The following SLC9A9 variants were observed in gnomAD, a reference collection of about 807,000 sequenced individuals.
SLC9A9 encodes sodium/hydrogen exchanger 9.
Under a neutral mutation model 77.8 loss-of-function variants are expected in SLC9A9, and 62 were observed. That is an observed-to-expected ratio of 0.80 (90% CI 0.65 to 0.98). The LOEUF (loss-of-function observed/expected upper bound fraction) is 0.98, where lower values mean the gene tolerates loss of function less well. Ranked by LOEUF, SLC9A9 falls within the 50% of genes least tolerant of loss-of-function variation. The probability of loss-of-function intolerance (pLI) is 0.00; values close to 1 mark genes in which losing one functional copy is unlikely to be tolerated. For synonymous variants in SLC9A9, 320 were observed against 283.5 expected (o/e 1.13, Z -1.29); for missense variants, 775 against 774.9 (o/e 1.00, Z 0.00).
At chr3:143,585,463 T>A (rs1409140937) in intron 6 of SLC9A9, among the ~76,000 whole-genome samples, 1 of 152,152 alleles carries the variant, frequency 6.6e-6, no homozygotes, top group African/African-American at 2.4e-5. Context: ...CTCTCCCTCT[T>A]TACAGGACTG....
chr3:143,690,559 G>T (rs1933431483), intron 5 of SLC9A9, among the ~76,000 whole-genome samples: 1 of 152,068 alleles, frequency 6.6e-6, no homozygotes, highest in Non-Finnish European at 1.5e-5. Context: ...ATCAAAAACT[G>T]TTGTCATTAC....
intron 14 of SLC9A9, among the ~76,000 whole-genome samples, chr3:143,305,224 C>T (rs142587278): frequency 1.6e-3 from 245 of 152,248 alleles, no homozygotes; most frequent in Non-Finnish European, 2.9e-3. Context: ...AGCATTTCTT[C>T]GTTATGTTCT....
At chr3:143,316,330 T>C (rs750609871) in intron 14 of SLC9A9, among the ~76,000 whole-genome samples, 21 of 152,222 alleles carry the variant, frequency 1.4e-4, no homozygotes, top group Non-Finnish European at 4.4e-5. Context: ...GCATAATCTC[T>C]GCCCTCAAAC....
At chr3:143,608,585 T>C (rs2037965169) in intron 6 of SLC9A9, among the ~76,000 whole-genome samples, 1 of 152,342 alleles carries the variant, frequency 6.6e-6, no homozygotes, top group South Asian at 2.1e-4. Flanking sequence ...CTTAGTTCTT[T>C]AATATCCTGT....
intron 6 of SLC9A9, among the ~76,000 whole-genome samples, chr3:143,599,012 C>A (rs2037803949): frequency 1.3e-5 from 2 of 152,204 alleles, no homozygotes; most frequent in Admixed American, 6.5e-5. Context: ...CACAGGTCGC[C>A]TCAATCCCTC....
intron 8 of SLC9A9, among the ~76,000 whole-genome samples, chr3:143,560,224 G>T (rs1442017614): frequency 6.6e-6 from 1 of 152,178 alleles, no homozygotes; most frequent in East Asian, 1.9e-4. Flanking sequence ...TACTATTAGG[G>T]GATGTCCATG....
chr3:143,363,413 CAATG>C (rs2032807672), intron 14 of SLC9A9, 67 bp downstream of exon 14: 2 of 1,405,048 alleles, frequency 1.4e-6, no homozygotes, highest in Admixed American at 3.4e-5. Flanking sequence ...GTGCACACTT[CAATG>C]ATTAAGAGCT....
Position 143,435,636 on chromosome 3 carries a change from C to T in SLC9A9, c.1469+31401G>A, listed in dbSNP as rs541309503. On this transcript the variant is annotated intron_variant, in intron 12 of 15. Coordinates refer to ENST00000316549, the MANE Select transcript of SLC9A9 (RefSeq NM_173653.4). ...ACACGTTAGACTTTCACTATGTTAT[C>T]TTAAAGGTAGGAATCAATGACATCA... Among the ~76,000 whole-genome samples, 4 of 152,254 alleles carry T rather than the reference C, an allele frequency of 2.6e-5. No homozygotes were observed. The East Asian group carries it at 7.7e-4, about 29-fold the overall frequency.
intron 6 of SLC9A9, among the ~76,000 whole-genome samples, chr3:143,617,832 G>A (rs1456180398): frequency 6.6e-6 from 1 of 152,178 alleles, no homozygotes; most frequent in Non-Finnish European, 1.5e-5. Context: ...TCAATGAAGG[G>A]CTAGGAATTA....
At position 143,370,567 on chromosome 3, in the gene SLC9A9, G is replaced by GCGCACA. The variant is rs373398536; in HGVS notation, c.1525-7005_1525-7004insTGTGCG. Among the ~76,000 whole-genome samples the GCGCACA allele has an allele frequency of 3.4e-3, 486 of 143,404 alleles. 1 individual carries two copies. The highest frequency in any genetic ancestry group is 7.9e-3 in the South Asian group (34 of 4,304). 94.1% of individuals were successfully genotyped at this position (143,404 alleles called of 152,430 possible). The stretch of plus-strand genomic sequence containing the variant: ...TGTACACAAGTATATGCATGTGCGC[G>GCGCACA]CACACACACACACACACACACACAC... On this transcript the variant is annotated intron_variant, in intron 13 of 15. Transcript: ENST00000316549.
intron 12 of SLC9A9, among the ~76,000 whole-genome samples, chr3:143,405,834 T>C (rs768565949): frequency 6.6e-5 from 10 of 152,194 alleles, no homozygotes; most frequent in Non-Finnish European, 1.2e-4. Flanking sequence ...CTGGCACAAA[T>C]GTCACAAACT....
intron 12 of SLC9A9, among the ~76,000 whole-genome samples, chr3:143,390,364 T>A (rs903834629): frequency 2.0e-5 from 3 of 152,212 alleles, no homozygotes; most frequent in Admixed American, 2.0e-4. Flanking sequence ...CTTACTTGTG[T>A]GACTATGGGC....
chr3:143,277,563 A>G (rs183917154), intron 14 of SLC9A9, among the ~76,000 whole-genome samples: 3 of 152,236 alleles, frequency 2.0e-5, no homozygotes, highest in Non-Finnish European at 4.4e-5. Context: ...ACACAGATCA[A>G]AAGATTTCCA....
At chr3:143,518,447 G>T (rs1338302947) in intron 9 of SLC9A9, among the ~76,000 whole-genome samples, 3 of 152,182 alleles carry the variant, frequency 2.0e-5, no homozygotes, top group Non-Finnish European at 4.4e-5. Flanking sequence ...CAGTCAAAGA[G>T]AAATAACATG....
intron 5 of SLC9A9, among the ~76,000 whole-genome samples, chr3:143,676,260 C>T (rs748406608): frequency 5.9e-5 from 9 of 152,040 alleles, no homozygotes; most frequent in East Asian, 1.9e-4. Context: ...GTCTGTGGCC[C>T]GGGAGGCTGG....
intron 14 of SLC9A9, among the ~76,000 whole-genome samples, chr3:143,279,826 TTTTA>T (rs1938163126): frequency 6.6e-6 from 1 of 152,154 alleles, no homozygotes; most frequent in Non-Finnish European, 1.5e-5. Flanking sequence ...CAGCCTTTGT[TTTTA>T]TTTAAGAAAA....
intron 4 of SLC9A9, among the ~76,000 whole-genome samples, chr3:143,705,341 G>A (rs555850067): frequency 8.4e-4 from 128 of 151,690 alleles, no homozygotes; most frequent in African/African-American, 3.0e-3. Flanking sequence ...ATGGTTAATG[G>A]GTACAAAAAA....
intron 4 of SLC9A9, among the ~76,000 whole-genome samples, chr3:143,783,978 C>A (rs1432169066): frequency 6.6e-6 from 1 of 152,222 alleles, no homozygotes; most frequent in Non-Finnish European, 1.5e-5. Flanking sequence ...AAAGCACCAG[C>A]ACCAGCCAGA....
At position 143,848,397 on chromosome 3, in the gene SLC9A9, C is replaced by T. The variant is rs1559826540; in HGVS notation, c.-75G>A. ...TTTATCAAGATTTGCCTAAGACAGT[C>T]TGACTGCCTGAGAATTTCAGAAGAA... is the stretch of plus-strand genomic sequence containing the variant. On this transcript the variant is annotated 5_prime_UTR_variant, in exon 1 of 16. Transcript: ENST00000316549. 4.4e-6 allele frequency: 7 copies of T among 1,590,220 alleles called. No individual in the cohort carries two copies. Among genetic ancestry groups the T allele is most frequent in the Non-Finnish European group, 6.0e-6 (7 of 1,159,766 alleles).
Sources: gnomAD v4.1 joint callset for allele counts (sites outside exome capture counted in the v4.1 genomes callset) on GRCh38, gnomAD v4.1.1 for gene constraint, MANE v1.5 for transcripts, NCBI Gene and HGNC (gene_info 2026-07-23, HGNC 2026-07-21) for gene names.